The following SMURF1 variants were observed in gnomAD, a reference collection of about 807,000 sequenced individuals.
The protein encoded by SMURF1 is E3 ubiquitin-protein ligase SMURF1.
In SMURF1, 44 loss-of-function variants were observed where a neutral mutation model predicts 98.0. That is an observed-to-expected ratio of 0.45 (90% CI 0.35 to 0.58). The LOEUF (loss-of-function observed/expected upper bound fraction) is 0.58, where lower values mean the gene tolerates loss of function less well. SMURF1 is among the 20% of genes least tolerant of loss of function. SMURF1 has a pLI of 0.00. For missense variants in SMURF1, 687 were observed against 938.4 expected, an observed-to-expected ratio of 0.73 and a Z score of 3.50; for synonymous variants, 396 against 374.9, an observed-to-expected ratio of 1.06 and a Z score of -0.65.
At chr7:99,120,079 T>C (rs1797570261) in intron 1 of SMURF1, among the ~76,000 whole-genome samples, 1 of 152,156 alleles carries the variant, frequency 6.6e-6, no homozygotes, top group Non-Finnish European at 1.5e-5. Context: ...GTTCTTGCCC[T>C]GGTAGTTCCC....
At chr7:99,103,045 C>T (rs1797124172) in intron 1 of SMURF1, among the ~76,000 whole-genome samples, 1 of 152,160 alleles carries the variant, frequency 6.6e-6, no homozygotes, top group Non-Finnish European at 1.5e-5. Flanking sequence ...TCAAGCGATC[C>T]ACCCACCTCA....
At chr7:99,103,041 G>A (rs111632939) in intron 1 of SMURF1, among the ~76,000 whole-genome samples, 4,820 of 152,108 alleles carry the variant, frequency 0.032, 257 homozygotes, top group African/African-American at 0.11. Context: ...TGAGTCAAGC[G>A]ATCCACCCAC....
At chr7:99,119,002 AATTTTT>A (rs1563037014) in intron 1 of SMURF1, among the ~76,000 whole-genome samples, 10 of 108,946 alleles carry the variant, frequency 9.2e-5, no homozygotes, top group African/African-American at 3.6e-4. Context: ...CTAACATGCC[AATTTTT>A]TTTTTTTTTT....
chr7:99,061,719 C>T, intron 2 of SMURF1, 80 bp downstream of exon 2: 1 of 1,133,876 alleles, frequency 8.8e-7, no homozygotes, highest in Non-Finnish European at 1.3e-6. Context: ...AGAGAATATA[C>T]CCAATCTTTT....
chr7:99,078,755 A>C (rs977198113), intron 1 of SMURF1, among the ~76,000 whole-genome samples: 1 of 152,222 alleles, frequency 6.6e-6, no homozygotes, highest in Admixed American at 6.5e-5. Flanking sequence ...ATGATCTGTC[A>C]CTGTCTCCCA....
intron 1 of SMURF1, among the ~76,000 whole-genome samples, chr7:99,125,287 A>G (rs1797720460): frequency 6.6e-6 from 1 of 151,960 alleles, no homozygotes; most frequent in Non-Finnish European, 1.5e-5. Context: ...GGTTCTCACT[A>G]TGTTGCCCCA....
Position 99,057,250 on chromosome 7 carries a change from T to G in SMURF1, c.358A>C (p.Lys120Gln). The G allele has an allele frequency of 1.2e-6, 2 of 1,614,092 alleles. No homozygotes were observed. Among genetic ancestry groups the G allele is most frequent in the South Asian group, 2.2e-5 (2 of 91,074 alleles). Residue 120 changes from lysine (K) to glutamine (Q), a missense_variant, in exon 5 of 18, where the codon AAA becomes CAA. Physicochemically the swap from Lys to Gln is moderately conservative, Grantham distance 53. This residue lies in a region of SMURF1 where 415 missense variants were observed against 508.4 expected (regional missense o/e 0.82). Coordinates refer to ENST00000361368, the MANE Select transcript of SMURF1 (RefSeq NM_181349.3). Reference protein sequence around the residue: ...DTGYQRLDLCKLNPSDTDAVR... With the variant: ...DTGYQRLDLCQLNPSDTDAVR... ...GCATCAGTATCTGAGGGGTTTAGTTTGCATAGATCCAAACGCTGGTCTGTA... is the reference window on the plus strand; with the variant it reads ...GCATCAGTATCTGAGGGGTTTAGTTGGCATAGATCCAAACGCTGGTCTGTA...
intron 1 of SMURF1, among the ~76,000 whole-genome samples, chr7:99,091,035 C>T (rs1330703369): frequency 6.6e-6 from 1 of 152,182 alleles, no homozygotes; most frequent in Non-Finnish European, 1.5e-5. Context: ...ACAACAACAG[C>T]AGAGTTGAGT....
intron 1 of SMURF1, among the ~76,000 whole-genome samples, chr7:99,092,575 A>G (rs1474773773): frequency 6.6e-6 from 1 of 152,114 alleles, no homozygotes; most frequent in Non-Finnish European, 1.5e-5. Flanking sequence ...TGGTCTTTTC[A>G]TGGTCTATTT....
At chr7:99,114,380 C>G (rs957696114) in intron 1 of SMURF1, among the ~76,000 whole-genome samples, 2 of 151,972 alleles carry the variant, frequency 1.3e-5, no homozygotes, top group African/African-American at 4.8e-5. Context: ...TCGGATAAAA[C>G]AGACTTTAAG....
At chr7:99,043,631 C>T (rs761964806) in intron 11 of SMURF1, among the ~76,000 whole-genome samples, 35 of 152,090 alleles carry the variant, frequency 2.3e-4, no homozygotes, top group Admixed American at 4.6e-4. Flanking sequence ...AGAAAATGTG[C>T]GAAGAAATTA....
intron 1 of SMURF1, among the ~76,000 whole-genome samples, chr7:99,083,437 A>G (rs932314023): frequency 3.3e-5 from 5 of 152,232 alleles, no homozygotes; most frequent in African/African-American, 2.4e-5. Context: ...TGACTGCCAC[A>G]ATATTAAACT....
chr7:99,057,600 G>GT (rs748761467), intron 3 of SMURF1, 49 bp from the exon 4 acceptor site: 26 of 1,423,796 alleles, frequency 1.8e-5, no homozygotes, highest in African/African-American at 1.0e-4. Context: ...GGTTTTTTTT[G>GT]TTTTGTTTTT....
In SMURF1 at chr7:99,033,542, C is replaced by G. The variant is rs139462845; in HGVS notation, c.2012-421G>C. 5.3e-3 allele frequency among the ~76,000 whole-genome samples: 812 copies of G among 152,300 alleles called. 5 individuals carry two copies. Among genetic ancestry groups the G allele is most frequent in the African/African-American group, 0.019 (780 of 41,568 alleles). ...CTGGTCTGGAACTCCTGGATCACCT[C>G]AGGTGATCCACCTGCCTCGGCCTCC... On this transcript the variant is annotated intron_variant, in intron 16 of 17. Coordinates refer to ENST00000361368, the MANE Select transcript of SMURF1 (RefSeq NM_181349.3).
chr7:99,141,677 A>C (rs1245457727), intron 1 of SMURF1, among the ~76,000 whole-genome samples: 1 of 152,172 alleles, frequency 6.6e-6, no homozygotes, highest in African/African-American at 2.4e-5. Context: ...AAAAAAACAA[A>C]ACCTTCTCTT....
chr7:99,085,806 G>C (rs1408808200), intron 1 of SMURF1, among the ~76,000 whole-genome samples: 1 of 152,148 alleles, frequency 6.6e-6, no homozygotes, highest in African/African-American at 2.4e-5. Context: ...TGTCTCTACA[G>C]TTTTGCCTTT....
chr7:99,091,497 T>G (rs1584168723), intron 1 of SMURF1, among the ~76,000 whole-genome samples: 1 of 152,062 alleles, frequency 6.6e-6, no homozygotes, highest in South Asian at 2.1e-4. Context: ...CTCAGAATAA[T>G]CTCTACACAA....
At chr7:99,052,778 A>C (rs1795790957) in intron 6 of SMURF1, among the ~76,000 whole-genome samples, 1 of 152,212 alleles carries the variant, frequency 6.6e-6, no homozygotes, top group African/African-American at 2.4e-5. Context: ...TTTAAAATCA[A>C]ATCCAGGCCA....
intron 5 of SMURF1, among the ~76,000 whole-genome samples, chr7:99,056,862 G>C (rs970383362): frequency 4.6e-5 from 7 of 151,980 alleles, no homozygotes; most frequent in Non-Finnish European, 7.4e-5. Context: ...AATTAGCCAG[G>C]CGTGGTGGCA....
Sources: allele counts gnomAD v4.1 joint callset (sites outside exome capture counted in the v4.1 genomes callset), GRCh38; gene constraint gnomAD v4.1.1; regional missense constraint gnomAD v4.1.1; transcripts MANE v1.5; gene names NCBI Gene and HGNC (gene_info 2026-07-23, HGNC 2026-07-21).